COPS2: variants seen among roughly 807,000 people sequenced by gnomAD.
COPS2 encodes the protein COP9 signalosome subunit 2.
A neutral mutation model predicts 66.1 loss-of-function variants in COPS2; 10 were observed. The ratio of observed to expected loss-of-function variants is 0.15; its 90% CI spans 0.09 to 0.26. The LOEUF is 0.26. Ranked by LOEUF, COPS2 falls within the 10% of genes least tolerant of loss-of-function variation. COPS2 has a pLI of 1.00. For synonymous variants in COPS2, 179 were observed against 171.3 expected (o/e 1.04, Z -0.35); for missense variants, 215 against 513.3 (o/e 0.42, Z 5.62).
In COPS2 at chr15:49,126,652, G is replaced by A. The variant is rs2084169627; in HGVS notation, c.*1298C>T. The A allele has an allele frequency of 6.6e-6, 1 of 152,074 alleles. No homozygotes were observed. The highest frequency in any genetic ancestry group is 6.6e-5 in the Admixed American group (1 of 15,252). The allele number at this position is 152,074 out of a possible 1,614,324, so 9.4% of individuals were successfully genotyped here. A position where few individuals can be genotyped will look rare whatever the true frequency, so the allele number is the denominator to read the frequency against. ...AACTCAATACATTCAAATGAGCTGA[G>A]TTCCTTTAAGGTAGTTACCTTGGAA... On this transcript the variant is annotated 3_prime_UTR_variant, in exon 13 of 13. Transcript: ENST00000388901.
chr15:49,131,589 A>G (rs971227450), intron 9 of COPS2, among the ~76,000 whole-genome samples: 1 of 151,928 alleles, frequency 6.6e-6, no homozygotes, highest in African/African-American at 2.4e-5. Flanking sequence ...TTGGGTCCCA[A>G]TGTAACCTCA....
intron 6 of COPS2, among the ~76,000 whole-genome samples, chr15:49,135,487 G>A (rs917756785): frequency 1.3e-5 from 2 of 152,122 alleles, no homozygotes; most frequent in Admixed American, 1.3e-4. Flanking sequence ...ACAATGACTA[G>A]GTGAAGCATA....
rs191066853 is a variant in COPS2, at chr15:49,155,591, G to C, written c.-13C>G. The C allele has an allele frequency of 1.5e-4, 243 of 1,613,900 alleles. 1 individual carries two copies. In the Admixed American group the frequency reaches 3.5e-3, roughly 23 times the overall value. Reference sequence around the variant, plus strand: ...CCATGTCAGACATCTTGGCCGGGAGGGGGAGGAGAAATTGGAGACAACCTC... The same window carrying C: ...CCATGTCAGACATCTTGGCCGGGAGCGGGAGGAGAAATTGGAGACAACCTC... On this transcript the variant is annotated 5_prime_UTR_variant, in exon 1 of 13. Coordinates refer to ENST00000388901, the MANE Select transcript of COPS2 (RefSeq NM_004236.4).
intron 6 of COPS2, among the ~76,000 whole-genome samples, chr15:49,135,727 T>C (rs2084245846): frequency 6.6e-6 from 1 of 152,236 alleles, no homozygotes; most frequent in Non-Finnish European, 1.5e-5. Context: ...TTCTGTTTAA[T>C]TATTCACTAA....
At chr15:49,143,620 CTT>C (rs1330931794) in intron 3 of COPS2, among the ~76,000 whole-genome samples, 1 of 152,194 alleles carries the variant, frequency 6.6e-6, no homozygotes, top group Non-Finnish European at 1.5e-5. Flanking sequence ...AAGAGAAACT[CTT>C]TATAATAAAC....
At chr15:49,134,545 G>A (rs1371649922) in intron 6 of COPS2, 31 bp from the exon 7 acceptor site, 1 of 1,528,968 alleles carries the variant, frequency 6.5e-7, no homozygotes, top group East Asian at 2.3e-5. Context: ...CTTTAGACAA[G>A]ATAGAATTCA....
intron 6 of COPS2, among the ~76,000 whole-genome samples, chr15:49,135,929 T>G (rs1183140637): frequency 2.6e-5 from 4 of 152,204 alleles, no homozygotes; most frequent in Admixed American, 2.0e-4. Context: ...ATATACATAC[T>G]GAAAGACCCT....
At chr15:49,130,680 A>T in intron 10 of COPS2, 39 bp downstream of exon 10, 1 of 1,259,852 alleles carries the variant, frequency 7.9e-7, no homozygotes, top group Non-Finnish European at 1.1e-6. Context: ...TGACAGTGGC[A>T]AAGAAAGTAA....
Position 49,153,003 on chromosome 15 carries a change from A to T in COPS2, c.54+2522T>A, listed in dbSNP as rs559906623. On this transcript the variant is annotated intron_variant, in intron 1 of 12. Transcript: ENST00000388901. The stretch of plus-strand genomic sequence containing the variant: ...ATTCTCACTGCTATTGCTACATTAC[A>T]TTCTCAAAGATGATCATCAGCTTGA... 3.3e-5 allele frequency among the ~76,000 whole-genome samples: 5 copies of T among 152,340 alleles called. No individual in the cohort carries two copies. In the East Asian group the frequency reaches 9.6e-4, roughly 29 times the overall value.
chr15:49,143,294 C>A (rs1215422103), intron 3 of COPS2, among the ~76,000 whole-genome samples: 1 of 152,086 alleles, frequency 6.6e-6, no homozygotes, highest in Non-Finnish European at 1.5e-5. Context: ...TTGGATTTTA[C>A]TAAGGGAGAT....
intron 3 of COPS2, among the ~76,000 whole-genome samples, chr15:49,141,030 T>C (rs1373127800): frequency 6.6e-6 from 1 of 151,468 alleles, no homozygotes; most frequent in Non-Finnish European, 1.5e-5. Context: ...TATATACATA[T>C]ATAAAACCAC....
At chr15:49,154,106 T>C (rs774993642) in intron 1 of COPS2, among the ~76,000 whole-genome samples, 1 of 152,124 alleles carries the variant, frequency 6.6e-6, no homozygotes, top group Non-Finnish European at 1.5e-5. Context: ...ACTTGATCAC[T>C]ACATATCCTG....
intron 6 of COPS2, 125 bp downstream of exon 6, chr15:49,137,025 C>G: frequency 1.5e-6 from 1 of 654,878 alleles, no homozygotes; most frequent in Non-Finnish European, 2.5e-6. Context: ...AACTTATTTT[C>G]TAAATTTTAT....
intron 6 of COPS2, 137 bp from the exon 7 acceptor site, chr15:49,134,651 T>G: frequency 1.6e-6 from 1 of 640,562 alleles, no homozygotes; most frequent in Non-Finnish European, 2.5e-6. Context: ...GGAGCTACAG[T>G]ACTAAGAATA....
intron 1 of COPS2, among the ~76,000 whole-genome samples, chr15:49,153,677 G>C (rs577556642): frequency 3.3e-5 from 5 of 152,156 alleles, no homozygotes; most frequent in African/African-American, 1.2e-4. Context: ...AAGAAAATGT[G>C]GTATATATAC....
chr15:49,131,551 G>A (rs1243844632), intron 9 of COPS2, among the ~76,000 whole-genome samples: 1 of 151,812 alleles, frequency 6.6e-6, no homozygotes, highest in Non-Finnish European at 1.5e-5. Context: ...CAGCTATACT[G>A]CACGCCCTCT....
chr15:49,150,023 G>A (rs923459214), intron 1 of COPS2, among the ~76,000 whole-genome samples: 12 of 152,118 alleles, frequency 7.9e-5, no homozygotes, highest in Admixed American at 2.0e-4. Flanking sequence ...TGCTGGGCAC[G>A]GTGGCTCATG....
intron 6 of COPS2, among the ~76,000 whole-genome samples, chr15:49,135,849 A>G (rs908948275): frequency 6.6e-6 from 1 of 152,192 alleles, no homozygotes; most frequent in Admixed American, 6.5e-5. Context: ...ATATAATGCT[A>G]TTTACCATCC....
rs775284339 is a variant in COPS2 at position 49,137,411 on chromosome 15, T to C, written c.399A>G (p.Glu133=). The C allele has an allele frequency of 6.2e-7, 1 of 1,612,766 alleles. No homozygotes were observed. Among genetic ancestry groups the C allele is most frequent in the South Asian group, 1.1e-5 (1 of 91,044 alleles). ...KQMDLLQEFY[E]TTLEALKDAK... Reference sequence around the variant, plus strand: ...CATCTTTCAAAGCTTCCAGTGTTGTTTCATAGAATTCCTGCAGTAAATCCA... The same window carrying C: ...CATCTTTCAAAGCTTCCAGTGTTGTCTCATAGAATTCCTGCAGTAAATCCA... The change falls in exon 5 of 13, where the codon GAA becomes GAG. Residue 133 remains glutamate, a synonymous_variant. Transcript: ENST00000388901.
Sources: gnomAD v4.1 joint callset for allele counts (sites outside exome capture counted in the v4.1 genomes callset) on GRCh38, gnomAD v4.1.1 for gene constraint, MANE v1.5 for transcripts, NCBI Gene and HGNC (gene_info 2026-07-23, HGNC 2026-07-21) for gene names.